The following UGT2B4 variants were observed in gnomAD, a reference collection of about 807,000 sequenced individuals.
The protein encoded by UGT2B4 is UDP-glucuronosyltransferase 2B4.
A neutral mutation model predicts 49.8 loss-of-function variants in UGT2B4; 49 were observed. The observed-to-expected ratio is 0.98, with a 90% confidence interval of 0.78 to 1.25. The LOEUF (loss-of-function observed/expected upper bound fraction) is 1.25, where lower values mean the gene tolerates loss of function less well. Ranked by LOEUF, UGT2B4 falls within the 50% of genes most tolerant of loss-of-function variation. UGT2B4 has a pLI of 0.00. For synonymous variants in UGT2B4, 246 were observed against 217.7 expected, an observed-to-expected ratio of 1.13 and a Z score of -1.14; for missense variants, 729 against 627.7, an observed-to-expected ratio of 1.16 and a Z score of -1.73.
intron 1 of UGT2B4, among the ~76,000 whole-genome samples, chr4:69,502,923 G>A (rs1334720181): frequency 6.6e-6 from 1 of 152,124 alleles, no homozygotes; most frequent in Non-Finnish European, 1.5e-5. Flanking sequence ...TGGGCCCACA[G>A]AACAGCGTCT....
At position 69,480,412 on chromosome 4, in the gene UGT2B4, T is replaced by A; in HGVS notation, c.*222A>T. ...CAATACATTTCAATATAACCTCATA[T>A]GGCTTTATATCATTTTTGTTTTCCC... On this transcript the variant is annotated 3_prime_UTR_variant, in exon 6 of 6. Coordinates refer to ENST00000305107, the MANE Select transcript of UGT2B4 (RefSeq NM_021139.3). 1 of 549,636 alleles carries A rather than the reference T, an allele frequency of 1.8e-6. No individual in the cohort carries two copies. The highest frequency in any genetic ancestry group is 3.1e-6 in the Non-Finnish European group (1 of 327,126). 34.0% of individuals were successfully genotyped at this position (549,636 alleles called of 1,614,324 possible).
intron 1 of UGT2B4, among the ~76,000 whole-genome samples, chr4:69,515,803 T>A (rs995728556): frequency 1.1e-4 from 16 of 151,930 alleles, no homozygotes; most frequent in African/African-American, 3.9e-4. Context: ...TTAAAAAAAA[T>A]TAAAAACCAA....
At chr4:69,495,913 C>T, upstream of UGT2B4, 1 of 1,535,420 alleles carries the variant, frequency 6.5e-7, no homozygotes, top group Non-Finnish European at 8.7e-7. Flanking sequence ...TCTGTCATTT[C>T]TCATGGTGAC....
At chr4:69,503,135 A>G (rs555896397) in intron 1 of UGT2B4, among the ~76,000 whole-genome samples, 3 of 152,302 alleles carry the variant, frequency 2.0e-5, no homozygotes, top group Admixed American at 6.5e-5. Flanking sequence ...CTTTAGCCCT[A>G]GGGGAACTGT....
chr4:69,506,534 T>C (rs2109824668), intron 1 of UGT2B4, among the ~76,000 whole-genome samples: 1 of 152,246 alleles, frequency 6.6e-6, no homozygotes, highest in African/African-American at 2.4e-5. Context: ...AGAAATTGAA[T>C]TGCTGAACAG....
rs566555606 is a variant in UGT2B4, at chr4:69,501,247, C to G, written c.-105-5281G>C. On this transcript the variant is annotated intron_variant, in intron 1 of 1. Coordinates refer to the UGT2B4 transcript ENST00000510114. ...TTTGGAGAGTCCAGATGAACTGGGC[C>G]GGGGGCGGGTGGAAGGAATCCCTCA... Among the ~76,000 whole-genome samples, 3 of 135,290 alleles carry G rather than the reference C, an allele frequency of 2.2e-5. No individual in the cohort carries two copies. In the South Asian group the frequency reaches 7.2e-4, roughly 33 times the overall value. The allele number at this position is 135,290 out of a possible 152,430, so 88.8% of individuals were successfully genotyped here.
At position 69,493,842 on chromosome 4, in the gene UGT2B4, C is replaced by A; in HGVS notation, c.722-1G>T. On this transcript the variant is annotated splice_acceptor_variant, in intron 1 of 5. Coordinates refer to ENST00000305107, the MANE Select transcript of UGT2B4 (RefSeq NM_021139.3). LOFTEE classifies it high-confidence loss of function. ...GTCTCAGATAACGTAGTGGGTCTTC[C>A]TGATGGGGGAAAAAAAAAGAAAAGA... The A allele has an allele frequency of 6.3e-7, 1 of 1,578,640 alleles. No individual in the cohort carries two copies. Among genetic ancestry groups the A allele is most frequent in the Non-Finnish European group, 8.6e-7 (1 of 1,168,212 alleles).
Position 69,495,812 on chromosome 4 carries a change from T to C in UGT2B4, c.50A>G (p.Tyr17Cys), listed in dbSNP as rs768737335. 6.2e-7 allele frequency: 1 copy of C among 1,613,004 alleles called. No individual in the cohort carries two copies. ...SALLLIQLSC[Y>C]FSSGSCGKVL... ...CTTTCCACAACTCCCAGAGCTAAAG[T>C]AACAGCTCAGCTGTATCAGCAGAAG... Residue 17 changes from tyrosine to cysteine, a missense_variant, in exon 1 of 6, where the codon TAC (tyrosine) becomes TGC (cysteine). Physicochemically the swap from Tyr to Cys is radical, Grantham distance 194 (BLOSUM62 -2). Coordinates refer to ENST00000305107, the MANE Select transcript of UGT2B4 (RefSeq NM_021139.3).
At chr4:69,524,254 T>C (rs1304097562) in intron 1 of UGT2B4, among the ~76,000 whole-genome samples, 1 of 152,166 alleles carries the variant, frequency 6.6e-6, no homozygotes, top group East Asian at 1.9e-4. Context: ...GCTTTCAACA[T>C]GCCTTCCTCA....
At chr4:69,493,927 C>A in intron 1 of UGT2B4, 86 bp from the exon 2 acceptor site, 7 of 1,449,288 alleles carry the variant, frequency 4.8e-6, no homozygotes, top group East Asian at 2.6e-5. Flanking sequence ...ATAATGTGGG[C>A]AAAAATGTAG....
At chr4:69,511,553 A>C (rs1728603634) in intron 1 of UGT2B4, among the ~76,000 whole-genome samples, 1 of 151,996 alleles carries the variant, frequency 6.6e-6, no homozygotes, top group South Asian at 2.1e-4. Context: ...TAAGTTTCCC[A>C]ATTTTCTGTT....
chr4:69,512,137 AT>A (rs1728619403), intron 1 of UGT2B4, among the ~76,000 whole-genome samples: 1 of 150,364 alleles, frequency 6.7e-6, no homozygotes, highest in East Asian at 1.9e-4. Context: ...TCTTAATTAC[AT>A]GTATTTCAGC....
chr4:69,497,677 T>C (rs1420694874), upstream of UGT2B4, among the ~76,000 whole-genome samples: 1 of 152,230 alleles, frequency 6.6e-6, no homozygotes, highest in Non-Finnish European at 1.5e-5. Flanking sequence ...GAAAGTTGTT[T>C]CTTGAGATTG....
chr4:69,514,153 A>G (rs1033475773), intron 1 of UGT2B4, among the ~76,000 whole-genome samples: 1 of 152,044 alleles, frequency 6.6e-6, no homozygotes, highest in Non-Finnish European at 1.5e-5. Context: ...GGTTTGTTAC[A>G]TATGTATACA....
Position 69,495,277 on chromosome 4 carries a change from A to T in UGT2B4, c.585T>A (p.Pro195=). ...GGLLFPPSYV[P]VVMSELSDQM... is the part of the protein sequence containing the mutation. ...GGTCACTTAGTTCTGACATAACAAC[A>T]GGCACATAGGAAGGAGGGAACAGAA... Residue 195 remains proline (P), a synonymous_variant, in exon 1 of 6, where the codon CCT becomes CCA. Coordinates refer to ENST00000305107, the MANE Select transcript of UGT2B4 (RefSeq NM_021139.3). The T allele has an allele frequency of 6.2e-7, 1 of 1,613,412 alleles. No individual in the cohort carries two copies.
chr4:69,521,660 G>A (rs368564532), intron 1 of UGT2B4, among the ~76,000 whole-genome samples: 2 of 152,292 alleles, frequency 1.3e-5, no homozygotes, highest in East Asian at 3.9e-4. Flanking sequence ...GCCAAGCGCA[G>A]CCTGCTGGGC....
intron 1 of UGT2B4, among the ~76,000 whole-genome samples, chr4:69,515,176 T>C (rs761119798): frequency 3.3e-5 from 5 of 152,198 alleles, no homozygotes; most frequent in Non-Finnish European, 7.3e-5. Context: ...GTGAACCTGA[T>C]AGATATCTGC....
At chr4:69,512,990 G>T (rs79675625) in intron 1 of UGT2B4, among the ~76,000 whole-genome samples, 4 of 152,052 alleles carry the variant, frequency 2.6e-5, no homozygotes, top group Admixed American at 1.3e-4. Flanking sequence ...TGAGAACTTT[G>T]TCAGGTGGAT....
At position 69,480,430 on chromosome 4, in the gene UGT2B4, G is replaced by A; in HGVS notation, c.*204C>T. 1 of 650,098 alleles carries A rather than the reference G, an allele frequency of 1.5e-6. No individual in the cohort carries two copies. 40.3% of individuals were successfully genotyped at this position (650,098 alleles called of 1,614,324 possible). On this transcript the variant is annotated 3_prime_UTR_variant, in exon 6 of 6. Coordinates refer to ENST00000305107, the MANE Select transcript of UGT2B4 (RefSeq NM_021139.3). ...CCTCATATGGCTTTATATCATTTTT[G>A]TTTTCCCTAATGTTTTCCTCCTTGA...
Sources: allele counts gnomAD v4.1 joint callset (sites outside exome capture counted in the v4.1 genomes callset), GRCh38; gene constraint gnomAD v4.1.1; transcripts MANE v1.5; gene names NCBI Gene and HGNC (gene_info 2026-07-23, HGNC 2026-07-21).